GRIK2: variants seen among roughly 807,000 people sequenced by gnomAD.
GRIK2 encodes the protein glutamate receptor ionotropic, kainate 2.
A neutral mutation model predicts 100.3 loss-of-function variants in GRIK2; 32 were observed. The observed-to-expected ratio is 0.32, with a 90% CI of 0.24 to 0.43. The LOEUF (loss-of-function observed/expected upper bound fraction) is 0.43, where lower values mean the gene tolerates loss of function less well. Ranked by LOEUF, GRIK2 falls within the 20% of genes least tolerant of loss-of-function variation. GRIK2 has a pLI of 1.00. For missense variants in GRIK2, 843 were observed against 1,114.9 expected (o/e 0.76, Z 3.47); for synonymous variants, 417 against 389.4 (o/e 1.07, Z -0.83).
chr6:101,679,212 G>T (rs886141279), intron 5 of GRIK2, among the ~76,000 whole-genome samples: 2 of 152,108 alleles, frequency 1.3e-5, no homozygotes, highest in African/African-American at 4.8e-5. Flanking sequence ...ATCCTACAGT[G>T]GTGTGAAGTA....
intron 10 of GRIK2, among the ~76,000 whole-genome samples, chr6:101,848,006 A>T (rs907698903): frequency 7.2e-5 from 11 of 152,050 alleles, no homozygotes; most frequent in Non-Finnish European, 1.2e-4. Flanking sequence ...ATGCAGATGA[A>T]CCAATGGCAA....
At chr6:101,706,368 A>G (rs2128355852) in intron 7 of GRIK2, among the ~76,000 whole-genome samples, 1 of 152,086 alleles carries the variant, frequency 6.6e-6, no homozygotes, top group East Asian at 1.9e-4. Flanking sequence ...TGTTATTCAA[A>G]TTCAAATTTT....
chr6:101,462,300 T>C (rs1324262468), intron 2 of GRIK2, among the ~76,000 whole-genome samples: 2 of 152,178 alleles, frequency 1.3e-5, no homozygotes, highest in Admixed American at 1.3e-4. Context: ...TTTTTAAAAA[T>C]TGATGACTGA....
At chr6:101,488,038 T>G (rs1328248205) in intron 2 of GRIK2, among the ~76,000 whole-genome samples, 1 of 146,598 alleles carries the variant, frequency 6.8e-6, no homozygotes, top group Non-Finnish European at 1.5e-5. Flanking sequence ...ATCTTTTTAC[T>G]TCTATTTAGA....
At chr6:101,970,684 C>A (rs1792990195) in intron 14 of GRIK2, among the ~76,000 whole-genome samples, 1 of 144,186 alleles carries the variant, frequency 6.9e-6, no homozygotes, top group Non-Finnish European at 1.5e-5. Context: ...CATGCCCCAT[C>A]CCAATATTTA....
At chr6:101,402,649 T>C (rs1189296297) in intron 2 of GRIK2, among the ~76,000 whole-genome samples, 2 of 152,182 alleles carry the variant, frequency 1.3e-5, no homozygotes, top group Non-Finnish European at 1.5e-5. Context: ...ACTTGGGTTT[T>C]CCTGGGTGCC....
chr6:102,013,971 C>T lies in GRIK2; in HGVS notation c.2086-21370C>T, dbSNP rs562215563. ...AATAAGGTAGGGAGGAGCGCTTCCT[C>T]CTCAATTTTTTGAAATAGTTTCAGT... is the stretch of plus-strand genomic sequence containing the variant. On this transcript the variant is annotated intron_variant, in intron 14 of 16. Transcript: ENST00000369134. Among the ~76,000 whole-genome samples, 5 of 152,040 alleles carry T rather than the reference C, an allele frequency of 3.3e-5. No homozygotes were observed. The South Asian group carries it at 6.2e-4, about 19-fold the overall frequency.
intron 14 of GRIK2, among the ~76,000 whole-genome samples, chr6:101,943,114 G>T (rs971752918): frequency 6.6e-6 from 1 of 152,196 alleles, no homozygotes; most frequent in Admixed American, 6.5e-5. Flanking sequence ...TCCAGCTCCA[G>T]CCATGGCTCT....
At chr6:102,059,074 G>T (rs1416415167) in intron 16 of GRIK2, among the ~76,000 whole-genome samples, 1 of 151,052 alleles carries the variant, frequency 6.6e-6, no homozygotes, top group Non-Finnish European at 1.5e-5. Flanking sequence ...ATAATGATAG[G>T]CTTTCTCATA....
At chr6:101,467,879 C>T (rs1171746127) in intron 2 of GRIK2, among the ~76,000 whole-genome samples, 1 of 121,724 alleles carries the variant, frequency 8.2e-6, no homozygotes, top group Non-Finnish European at 1.7e-5. Flanking sequence ...CTTTCATAGT[C>T]CTTCCTTATT....
intron 2 of GRIK2, among the ~76,000 whole-genome samples, chr6:101,590,696 T>A (rs886796706): frequency 6.6e-6 from 1 of 152,068 alleles, no homozygotes; most frequent in African/African-American, 2.4e-5. Context: ...TAATATCATC[T>A]TTATGGAAGA....
At chr6:102,014,838 A>G (rs181627090) in intron 14 of GRIK2, among the ~76,000 whole-genome samples, 214 of 152,140 alleles carry the variant, frequency 1.4e-3, no homozygotes, top group African/African-American at 4.8e-3. Context: ...TTTGCTGAGG[A>G]TTGTTTTATA....
chr6:101,814,644 T>C (rs2128420195), intron 9 of GRIK2, among the ~76,000 whole-genome samples: 1 of 152,242 alleles, frequency 6.6e-6, no homozygotes, highest in East Asian at 1.9e-4. Context: ...CAACATATAG[T>C]AATAATCTTA....
chr6:101,896,314 C>T (rs1787439511), intron 12 of GRIK2, among the ~76,000 whole-genome samples: 1 of 151,706 alleles, frequency 6.6e-6, no homozygotes, highest in Non-Finnish European at 1.5e-5. Flanking sequence ...ATAATTTAAT[C>T]TTCAGAGGAG....
Position 101,965,255 on chromosome 6 carries a change from G to A in GRIK2, c.2085+36623G>A, listed in dbSNP as rs114718116. 1.5e-3 allele frequency among the ~76,000 whole-genome samples: 235 copies of A among 152,266 alleles called. 1 individual carries two copies. Among genetic ancestry groups the A allele is most frequent in the African/African-American group, 5.4e-3 (224 of 41,552 alleles). ...TGCTTTGCATCTTAGGTGTCCTCCT[G>A]TAAAACTGGATAAAGTACCAGGTGT... is the stretch of plus-strand genomic sequence containing the variant. On this transcript the variant is annotated intron_variant, in intron 14 of 16. Coordinates refer to ENST00000369134, the MANE Select transcript of GRIK2 (RefSeq NM_021956.5).
intron 2 of GRIK2, among the ~76,000 whole-genome samples, chr6:101,442,159 G>A (rs2128246433): frequency 6.6e-6 from 1 of 152,258 alleles, no homozygotes; most frequent in East Asian, 1.9e-4. Flanking sequence ...AAATGTTGTA[G>A]GACTGTCTCC....
chr6:101,898,790 G>GT (rs1554282575), intron 12 of GRIK2, among the ~76,000 whole-genome samples: 27 of 151,854 alleles, frequency 1.8e-4, no homozygotes, highest in Admixed American at 1.5e-3. Context: ...TATTAGTATT[G>GT]TTTTTTCATA....
chr6:101,461,761 C>T (rs1771318953), intron 2 of GRIK2, among the ~76,000 whole-genome samples: 2 of 152,126 alleles, frequency 1.3e-5, no homozygotes, highest in Non-Finnish European at 2.9e-5. Context: ...AACATAAGCT[C>T]TCCATTACCA....
intron 14 of GRIK2, among the ~76,000 whole-genome samples, chr6:101,946,804 AT>A (rs1791308653): frequency 6.6e-6 from 1 of 152,050 alleles, no homozygotes; most frequent in African/African-American, 2.4e-5. Context: ...TAAACCATTT[AT>A]TTTTGCTAGT....
Sources: gnomAD v4.1 joint callset for allele counts (sites outside exome capture counted in the v4.1 genomes callset) on GRCh38, gnomAD v4.1.1 for gene constraint, MANE v1.5 for transcripts, NCBI Gene and HGNC (gene_info 2026-07-23, HGNC 2026-07-21) for gene names.